DIAPH2: variants seen among roughly 807,000 people sequenced by gnomAD.
The protein encoded by DIAPH2 is protein diaphanous homolog 2.
Under a neutral mutation model 92.7 loss-of-function variants are expected in DIAPH2, and 35 were observed. The ratio of observed to expected loss-of-function variants is 0.38; its 90% CI spans 0.29 to 0.50. The LOEUF (loss-of-function observed/expected upper bound fraction) is 0.50. Among genes scored for constraint, DIAPH2 ranks in the 20% least tolerant of loss-of-function variants. DIAPH2 has a pLI of 0.94. For synonymous variants in DIAPH2, 301 were observed against 280.4 expected (o/e 1.07, Z -0.73); for missense variants, 701 against 819.5 (o/e 0.86, Z 1.77).
chrX:97,527,167 G>A (rs182146345), intron 26 of DIAPH2, among the ~76,000 whole-genome samples: 1,505 of 112,171 alleles, frequency 0.013, 24 homozygotes, highest in African/African-American at 0.047. Flanking sequence ...ACTTGGTTCT[G>A]AAAAACTGTG....
At chrX:96,710,418 G>A (rs947957712) in intron 1 of DIAPH2, among the ~76,000 whole-genome samples, 3 of 111,636 alleles carry the variant, frequency 2.7e-5, no homozygotes, top group Non-Finnish European at 5.7e-5. Flanking sequence ...TAGTCAAATG[G>A]TTAGAATTTA....
At chrX:97,122,169 CAT>C (rs1483349849) in intron 21 of DIAPH2, among the ~76,000 whole-genome samples, 4 of 111,615 alleles carry the variant, frequency 3.6e-5, no homozygotes. Flanking sequence ...GGGAAAACCT[CAT>C]GTGAATTTTC....
chrX:96,701,310 A>G (rs1406759570), intron 1 of DIAPH2, among the ~76,000 whole-genome samples: 1 of 111,597 alleles, frequency 9.0e-6, no homozygotes, highest in African/African-American at 3.3e-5. Flanking sequence ...ACTCTTGAGG[A>G]GCTCATGGCC....
intron 4 of DIAPH2, among the ~76,000 whole-genome samples, chrX:96,800,171 A>G (rs1031032077): frequency 8.9e-6 from 1 of 112,127 alleles, no homozygotes; most frequent in Non-Finnish European, 1.9e-5. Context: ...TTCACTATTT[A>G]TGTCATACTG....
At chrX:96,955,812 C>A (rs900330702) in intron 15 of DIAPH2, among the ~76,000 whole-genome samples, 1 of 112,840 alleles carries the variant, frequency 8.9e-6, no homozygotes, top group Non-Finnish European at 1.9e-5. Context: ...CAACCTTGGG[C>A]AGCTTTGCCC....
chrX:96,780,632 C>T (rs1926819471), intron 4 of DIAPH2, among the ~76,000 whole-genome samples: 1 of 109,577 alleles, frequency 9.1e-6, no homozygotes, highest in South Asian at 4.0e-4. Flanking sequence ...TAAGTGTGTG[C>T]CACCATGCCT....
chrX:97,202,139 C>G (rs1405123429), intron 22 of DIAPH2, among the ~76,000 whole-genome samples: 1 of 111,772 alleles, frequency 8.9e-6, no homozygotes, highest in South Asian at 3.8e-4. Flanking sequence ...ATCAGGCCTG[C>G]TTTTCAAGAG....
At chrX:97,234,949 A>G (rs1427747861) in intron 22 of DIAPH2, among the ~76,000 whole-genome samples, 1 of 112,263 alleles carries the variant, frequency 8.9e-6, no homozygotes, top group Non-Finnish European at 1.9e-5. Flanking sequence ...CCCTTGTTTC[A>G]TAAATGATCA....
At chrX:96,703,067 G>C (rs2063864440) in intron 1 of DIAPH2, among the ~76,000 whole-genome samples, 1 of 111,699 alleles carries the variant, frequency 9.0e-6, no homozygotes, top group East Asian at 2.8e-4. Flanking sequence ...AGGAAGTTAG[G>C]GCATGTTTGA....
intron 22 of DIAPH2, among the ~76,000 whole-genome samples, chrX:97,221,981 G>A (rs1458732328): frequency 9.1e-6 from 1 of 110,421 alleles, no homozygotes; most frequent in Non-Finnish European, 1.9e-5. Flanking sequence ...AAATTGAATT[G>A]GGCTTTGTAC....
chrX:97,093,618 G>C (rs141434220), intron 19 of DIAPH2, among the ~76,000 whole-genome samples: 5,087 of 111,331 alleles, frequency 0.046, 259 homozygotes, highest in African/African-American at 0.15. Flanking sequence ...TTTTATTTTA[G>C]AGTACAAAAT....
At chrX:97,028,442 G>T (rs190547340) in intron 17 of DIAPH2, among the ~76,000 whole-genome samples, 19 of 111,397 alleles carry the variant, frequency 1.7e-4, no homozygotes, top group African/African-American at 5.5e-4. Flanking sequence ...GTACCCATTA[G>T]CAGTCACTCC....
chrX:97,190,217 T>A lies in DIAPH2; in HGVS notation c.2719+48423T>A, dbSNP rs771975604. On this transcript the variant is annotated intron_variant, in intron 22 of 26. Coordinates refer to ENST00000324765, the MANE Select transcript of DIAPH2 (RefSeq NM_006729.5). ...TTTGTGTTTGTACAATGCACTAGTC[T>A]CCAGAGTGTGCATTCCTTGAATGAT... 1.2e-3 allele frequency among the ~76,000 whole-genome samples: 130 copies of A among 112,770 alleles called. 1 individual carries two copies. The highest frequency in any genetic ancestry group is 1.8e-3 in the Non-Finnish European group (98 of 53,357).
intron 23 of DIAPH2, among the ~76,000 whole-genome samples, chrX:97,320,531 G>A (rs2068883593): frequency 9.1e-6 from 1 of 110,334 alleles, no homozygotes; most frequent in African/African-American, 3.3e-5. Context: ...CTGGCCAATT[G>A]TGGTGAAACC....
At chrX:97,380,525 G>C (rs1193596809) in intron 24 of DIAPH2, among the ~76,000 whole-genome samples, 17 of 111,516 alleles carry the variant, frequency 1.5e-4, no homozygotes, top group African/African-American at 5.5e-4. Flanking sequence ...TTGATTATTT[G>C]ATTTTTATTT....
chrX:97,225,502 C>G (rs907406193), intron 22 of DIAPH2, among the ~76,000 whole-genome samples: 4 of 111,237 alleles, frequency 3.6e-5, no homozygotes, highest in Non-Finnish European at 7.5e-5. Context: ...TTCTGGATAC[C>G]TACTTTAACT....
rs1468124542 is a variant in DIAPH2 at position 96,756,445 on chromosome X, A to T, written c.343-1709A>T. Among the ~76,000 whole-genome samples the T allele has an allele frequency of 5.3e-5, 6 of 112,229 alleles. No homozygotes were observed. In the East Asian group the frequency reaches 1.7e-3, roughly 31 times the overall value. On this transcript the variant is annotated intron_variant, in intron 3 of 26. Coordinates refer to ENST00000324765, the MANE Select transcript of DIAPH2 (RefSeq NM_006729.5). ...TGATTTCAAGATTCATCCAGGTTAT[A>T]GCATGTATCAGTACTTCATTCCTTT...
At chrX:96,860,440 T>G (rs890873648) in intron 4 of DIAPH2, among the ~76,000 whole-genome samples, 2 of 112,062 alleles carry the variant, frequency 1.8e-5, no homozygotes, top group East Asian at 5.6e-4. Flanking sequence ...TCATTTTCCA[T>G]CTTTTCAATT....
intron 22 of DIAPH2, among the ~76,000 whole-genome samples, chrX:97,219,813 C>G (rs1190663340): frequency 1.8e-5 from 2 of 111,995 alleles, no homozygotes; most frequent in Non-Finnish European, 3.8e-5. Context: ...TCTGCACCTT[C>G]ATTTTTCATC....
Sources: allele counts gnomAD v4.1 joint callset (sites outside exome capture counted in the v4.1 genomes callset), GRCh38; gene constraint gnomAD v4.1.1; transcripts MANE v1.5; gene names NCBI Gene and HGNC (gene_info 2026-07-23, HGNC 2026-07-21).